NRXN3: variants seen among roughly 807,000 people sequenced by gnomAD.
NRXN3 encodes neurexin III.
In NRXN3, 32 loss-of-function variants were observed where a neutral mutation model predicts 137.6. That is an observed-to-expected ratio of 0.23 (90% CI 0.18 to 0.31). The LOEUF (loss-of-function observed/expected upper bound fraction) is 0.31. Among genes scored for constraint, NRXN3 ranks in the 10% least tolerant of loss-of-function variants. The probability of loss-of-function intolerance (pLI) is 1.00; values close to 1 mark genes in which losing one functional copy is unlikely to be tolerated. For missense variants in NRXN3, 1,574 were observed against 2,062.5 expected (o/e 0.76, Z 4.59); for synonymous variants, 798 against 784.5 (o/e 1.02, Z -0.29).
At chr14:78,675,318 GA>G (rs1313033489) in intron 6 of NRXN3, among the ~76,000 whole-genome samples, 1 of 152,140 alleles carries the variant, frequency 6.6e-6, no homozygotes, top group African/African-American at 2.4e-5. Context: ...AATTAATAAA[GA>G]AATGAGTGGA....
intron 8 of NRXN3, among the ~76,000 whole-genome samples, chr14:78,718,543 G>A (rs1344981374): frequency 1.3e-5 from 2 of 152,166 alleles, no homozygotes; most frequent in Non-Finnish European, 2.9e-5. Context: ...CTGGGAAGTA[G>A]AAAGTGTGTA....
Position 78,998,599 on chromosome 14 carries a change from ATTT to A in NRXN3, c.3262+10473_3262+10475del, listed in dbSNP as rs113146494. ...GTTTCTGTTAGGAGGGCTACATTAA[ATTT>A]TTTTTTTTTTTTTTGAGAAGGAATC... On this transcript the variant is annotated intron_variant, in intron 15 of 20. Transcript: ENST00000335750. 4.1e-3 allele frequency among the ~76,000 whole-genome samples: 571 copies of A among 140,066 alleles called. 15 individuals carry two copies. The highest frequency in any genetic ancestry group is 0.032 in the East Asian group (154 of 4,888). The allele number at this position is 140,066 out of a possible 152,430, so 91.9% of individuals were successfully genotyped here. A position where few individuals can be genotyped will look rare whatever the true frequency, so the allele number is the denominator to read the frequency against.
chr14:79,116,015 T>C (rs1289620563), intron 15 of NRXN3, among the ~76,000 whole-genome samples: 1 of 152,150 alleles, frequency 6.6e-6, no homozygotes, highest in Admixed American at 6.5e-5. Flanking sequence ...ACACGCAAGG[T>C]CACCTAGATC....
intron 15 of NRXN3, among the ~76,000 whole-genome samples, chr14:79,324,667 G>C (rs536598720): frequency 6.6e-6 from 1 of 152,184 alleles, no homozygotes; most frequent in African/African-American, 2.4e-5. Context: ...CATTGGATTT[G>C]GGATTGGGTG....
At chr14:79,484,038 G>A (rs2153643414) in intron 16 of NRXN3, among the ~76,000 whole-genome samples, 1 of 152,158 alleles carries the variant, frequency 6.6e-6, no homozygotes, top group African/African-American at 2.4e-5. Context: ...TCCTCCTAGG[G>A]AGACTTTCTG....
chr14:79,663,494 A>C (rs2098544282), intron 16 of NRXN3, among the ~76,000 whole-genome samples: 1 of 152,144 alleles, frequency 6.6e-6, no homozygotes, highest in Non-Finnish European at 1.5e-5. Context: ...TTGTCATTGC[A>C]TAGCTACTAG....
At chr14:79,648,793 G>A (rs2098462863) in intron 16 of NRXN3, among the ~76,000 whole-genome samples, 1 of 152,052 alleles carries the variant, frequency 6.6e-6, no homozygotes, top group South Asian at 2.1e-4. Context: ...TGCTTTCTCT[G>A]GATAGATCTG....
chr14:78,707,870 C>A (rs945204091), intron 6 of NRXN3, among the ~76,000 whole-genome samples: 2 of 152,192 alleles, frequency 1.3e-5, no homozygotes, highest in Admixed American at 6.5e-5. Context: ...CAGGTCACTG[C>A]AAATGCCATT....
At chr14:79,435,744 C>T (rs921085616) in intron 15 of NRXN3, among the ~76,000 whole-genome samples, 3 of 152,072 alleles carry the variant, frequency 2.0e-5, no homozygotes, top group African/African-American at 7.2e-5. Context: ...AGGCTATCCT[C>T]CTGCCACAGC....
intron 4 of NRXN3, among the ~76,000 whole-genome samples, chr14:78,532,375 T>TGTGTGTG (rs1555354292): frequency 1.4e-5 from 2 of 138,586 alleles, no homozygotes; most frequent in African/African-American, 2.7e-5. Context: ...TGATGATATT[T>TGTGTGTG]TGTGTGTGTG....
chr14:79,072,037 A>G (rs1350910984), intron 15 of NRXN3: 1 of 152,096 alleles, frequency 6.6e-6, no homozygotes, highest in Non-Finnish European at 1.5e-5. Context: ...TTTTGATTTC[A>G]GAAGATTTTA....
Position 79,593,352 on chromosome 14 carries a change from C to T in NRXN3, c.3445-70426C>T, listed in dbSNP as rs560406161. Among the ~76,000 whole-genome samples the T allele has an allele frequency of 1.9e-3, 283 of 152,102 alleles. 1 individual carries two copies. The highest frequency in any genetic ancestry group is 6.8e-3 in the Middle Eastern group (2 of 294). The stretch of plus-strand genomic sequence containing the variant: ...TATTAAAAATTTACCTTGAGAAGGC[C>T]GGGTGTGGTGGCTCACACCTGTAAT... On this transcript the variant is annotated intron_variant, in intron 16 of 20. Coordinates refer to ENST00000335750, the MANE Select transcript of NRXN3 (RefSeq NM_001330195.2).
intron 15 of NRXN3, among the ~76,000 whole-genome samples, chr14:78,999,968 A>G (rs1480156592): frequency 2.0e-5 from 3 of 152,354 alleles, no homozygotes; most frequent in Admixed American, 2.0e-4. Context: ...TCAGTACTAC[A>G]TGATTGAAGA....
At chr14:78,624,714 T>A (rs938745203) in intron 4 of NRXN3, among the ~76,000 whole-genome samples, 2 of 152,200 alleles carry the variant, frequency 1.3e-5, no homozygotes, top group African/African-American at 4.8e-5. Context: ...AGACCTCGCC[T>A]GGGTCTGAGG....
Position 78,734,515 on chromosome 14 carries a change from T to A in NRXN3, c.2044+19376T>A, listed in dbSNP as rs113236052. 6.7e-3 allele frequency among the ~76,000 whole-genome samples: 1,027 copies of A among 152,282 alleles called. 12 individuals carry two copies. The highest frequency in any genetic ancestry group is 0.02 in the Middle Eastern group (6 of 294). ...ACAATGGTGGGCAAAATGTGATGCA[T>A]CTTTGGCCTCATGGAGTTTATAGTC... On this transcript the variant is annotated intron_variant, in intron 8 of 20. Coordinates refer to ENST00000335750, the MANE Select transcript of NRXN3 (RefSeq NM_001330195.2).
chr14:78,526,376 C>T (rs2096379848), intron 4 of NRXN3, among the ~76,000 whole-genome samples: 1 of 152,210 alleles, frequency 6.6e-6, no homozygotes, highest in South Asian at 2.1e-4. Context: ...CTATAGCCAG[C>T]AGGCCTGGCT....
At chr14:79,781,725 A>G (rs1353538838) in intron 19 of NRXN3, among the ~76,000 whole-genome samples, 1 of 152,226 alleles carries the variant, frequency 6.6e-6, no homozygotes, top group African/African-American at 2.4e-5. Flanking sequence ...GCAGCTTTCC[A>G]TATAAATCTA....
At chr14:78,757,186 C>T (rs1279520162) in intron 8 of NRXN3, among the ~76,000 whole-genome samples, 1 of 152,016 alleles carries the variant, frequency 6.6e-6, no homozygotes, top group Non-Finnish European at 1.5e-5. Flanking sequence ...GGGGGGCAGA[C>T]TGCCTGAGCT....
intron 19 of NRXN3, among the ~76,000 whole-genome samples, chr14:79,797,069 C>T (rs1287283407): frequency 1.3e-5 from 2 of 152,158 alleles, no homozygotes; most frequent in African/African-American, 2.4e-5. Context: ...TTAATAAACA[C>T]TTGTCAAGGA....
Sources: gnomAD v4.1 joint callset for allele counts (sites outside exome capture counted in the v4.1 genomes callset) on GRCh38, gnomAD v4.1.1 for gene constraint, MANE v1.5 for transcripts, NCBI Gene and HGNC (gene_info 2026-07-23, HGNC 2026-07-21) for gene names.